Variants in FNBP1 observed in about 807,000 individuals in gnomAD.
FNBP1 encodes the protein formin binding protein 1.
FNBP1 carries 26 observed loss-of-function variants against 90.6 expected under a neutral mutation model. The ratio of observed to expected loss-of-function variants is 0.29; its 90% CI spans 0.21 to 0.40. FNBP1 has a LOEUF of 0.40. Ranked by LOEUF, FNBP1 falls within the 10% of genes least tolerant of loss-of-function variation. FNBP1 has a pLI of 1.00. For missense variants in FNBP1, 635 were observed against 768.0 expected (o/e 0.83, Z 2.05); for synonymous variants, 260 against 265.2 (o/e 0.98, Z 0.19).
At chr9:129,980,292 G>A (rs2130927689) in intron 2 of FNBP1, among the ~76,000 whole-genome samples, 1 of 151,316 alleles carries the variant, frequency 6.6e-6, no homozygotes, top group African/African-American at 2.4e-5. Flanking sequence ...CCCGGGAGGA[G>A]GAGGTTTCGG....
chr9:129,994,176 C>T (rs1051463236), intron 2 of FNBP1, among the ~76,000 whole-genome samples: 2 of 152,198 alleles, frequency 1.3e-5, no homozygotes, highest in Non-Finnish European at 2.9e-5. Flanking sequence ...AACCAATCAC[C>T]TAGTCAGAAC....
At chr9:129,954,989 C>T (rs114787973) in intron 6 of FNBP1, among the ~76,000 whole-genome samples, 3,159 of 148,310 alleles carry the variant, frequency 0.021, 112 homozygotes, top group African/African-American at 0.074. Context: ...AGTGAAACTT[C>T]GTCCCAAAAA....
intron 1 of FNBP1, among the ~76,000 whole-genome samples, chr9:130,035,765 G>A (rs1390682460): frequency 6.6e-6 from 1 of 152,152 alleles, no homozygotes; most frequent in Non-Finnish European, 1.5e-5. Context: ...TGGCCAACAT[G>A]GTGAAATCCC....
At chr9:129,989,151 A>G (rs2052730306) in intron 2 of FNBP1, among the ~76,000 whole-genome samples, 1 of 152,206 alleles carries the variant, frequency 6.6e-6, no homozygotes, top group African/African-American at 2.4e-5. Context: ...AGCCTAGCTC[A>G]GTAACCACCC....
intron 4 of FNBP1, among the ~76,000 whole-genome samples, chr9:129,960,668 G>C (rs2047676465): frequency 6.6e-6 from 1 of 151,922 alleles, no homozygotes; most frequent in Non-Finnish European, 1.5e-5. Context: ...AGGCTTTTTT[G>C]CCTGAATGAA....
chr9:129,994,088 A>G lies in FNBP1; in HGVS notation c.140+755T>C, dbSNP rs543361462. On this transcript the variant is annotated intron_variant, in intron 2 of 16. Transcript: ENST00000446176. ...TAGATGCCTACGTAGATCCTAGGAA[A>G]TGTGTTCAGATACACACAAAAAGCC... Among the ~76,000 whole-genome samples the G allele has an allele frequency of 2.0e-5, 3 of 152,292 alleles. No individual in the cohort carries two copies. The South Asian group carries it at 6.2e-4, about 32-fold the overall frequency.
chr9:130,046,592 A>C (rs1354418356), upstream of FNBP1, among the ~76,000 whole-genome samples: 9 of 147,736 alleles, frequency 6.1e-5, no homozygotes, highest in African/African-American at 2.1e-4. Context: ...AAAAAAAAAA[A>C]AAAAAAAAAA....
chr9:129,923,859 C>G lies in FNBP1; in HGVS notation c.1155G>C (p.Arg385Ser), dbSNP rs1236048050. Residue 385 changes from arginine (R) to serine (S), a missense_variant, in exon 10 of 17, where the codon AGG (arginine) becomes AGC (serine). Arg to Ser is a moderately radical substitution (Grantham distance 110). Transcript: ENST00000446176. ...CAGAACTTACCCCACGCTTTAGGCT[C>G]CTGAAGCAGTGGATTTTGGGTTTGG... ...MTSKPKIHCF[R>S]SLKRGLSLKL... 1 of 1,598,464 alleles carries G rather than the reference C, an allele frequency of 6.3e-7. No individual in the cohort carries two copies. The highest frequency in any genetic ancestry group is 8.5e-7 in the Non-Finnish European group (1 of 1,173,502).
In FNBP1 at chr9:129,889,209, A is replaced by C. The variant is rs560605018; in HGVS notation, c.*1330T>G. 1 of 204,706 alleles carries C rather than the reference A, an allele frequency of 4.9e-6. No individual in the cohort carries two copies. The highest frequency in any genetic ancestry group is 7.4e-5 in the East Asian group (1 of 13,584). 12.7% of individuals were successfully genotyped at this position (204,706 alleles called of 1,614,324 possible). A position where few individuals can be genotyped will look rare whatever the true frequency, so the allele number is the denominator to read the frequency against. On this transcript the variant is annotated 3_prime_UTR_variant, in exon 17 of 17. Transcript: ENST00000446176. ...ACATGCCCTGAAGAGCACGTGATAAAATACAAGGGTGGTGGCGGCGGGATC... is the reference window on the plus strand; with the variant it reads ...ACATGCCCTGAAGAGCACGTGATAACATACAAGGGTGGTGGCGGCGGGATC...
chr9:129,910,283 C>A (rs562621469), intron 11 of FNBP1: 2 of 431,590 alleles, frequency 4.6e-6, no homozygotes, highest in African/African-American at 4.1e-5. Context: ...GAGTTTGAGA[C>A]CAGCCTGGCC....
rs558013776 is a variant in FNBP1 at position 129,899,731 on chromosome 9, A to G, written c.1687+234T>C. ...GCAAGAGAGCGAGACCCTGTATGAA[A>G]AAAAGGAAGGAAGGAAGGAAGGGAA... On this transcript the variant is annotated intron_variant, in intron 15 of 16. Transcript: ENST00000446176. 9.4e-4 allele frequency among the ~76,000 whole-genome samples: 140 copies of G among 149,320 alleles called. 1 individual carries two copies. Among genetic ancestry groups the G allele is most frequent in the Non-Finnish European group, 1.6e-3 (106 of 67,266 alleles).
chr9:129,947,157 C>T (rs1198216649), intron 6 of FNBP1, among the ~76,000 whole-genome samples: 1 of 152,012 alleles, frequency 6.6e-6, no homozygotes, highest in Non-Finnish European at 1.5e-5. Context: ...AGAAAGAAAA[C>T]AGGCTGGGCA....
At chr9:129,960,400 A>G (rs1156713367) in intron 4 of FNBP1, among the ~76,000 whole-genome samples, 5 of 129,500 alleles carry the variant, frequency 3.9e-5, no homozygotes, top group African/African-American at 1.1e-4. Context: ...AAAAAAAAAA[A>G]AAAGAAAAAG....
rs1564269015 is a variant in FNBP1, at chr9:129,900,999, A to G, written c.1429-452T>C. On this transcript the variant is annotated intron_variant, in intron 13 of 16. Transcript: ENST00000446176. This position sits in a 1 kb window ranked among gnomAD's most constrained non-coding sequence, Gnocchi z 4.1. ...ACTCAGTTTGAAAGCCACACTTCCT[A>G]TTTTTTAGGAGTGTAACTTTTTTTT... 1.3e-5 allele frequency among the ~76,000 whole-genome samples: 2 copies of G among 152,224 alleles called. No homozygotes were observed. Among genetic ancestry groups the G allele is most frequent in the East Asian group, 3.9e-4 (2 of 5,182 alleles).
At chr9:129,982,498 A>G (rs2051422524) in intron 2 of FNBP1, among the ~76,000 whole-genome samples, 1 of 152,070 alleles carries the variant, frequency 6.6e-6, no homozygotes, top group African/African-American at 2.4e-5. Flanking sequence ...AGAAAGAAAA[A>G]AAGAAAGGGA....
chr9:130,043,901 C>G (rs1291531354), upstream of FNBP1, among the ~76,000 whole-genome samples: 5 of 152,222 alleles, frequency 3.3e-5, no homozygotes, highest in Admixed American at 6.5e-5. Context: ...TCCAGCCTCC[C>G]GCACGTGCTG....
At chr9:129,893,830 C>T (rs1486862215) in intron 16 of FNBP1, among the ~76,000 whole-genome samples, 1 of 148,118 alleles carries the variant, frequency 6.8e-6, no homozygotes, top group African/African-American at 2.5e-5. Flanking sequence ...GCAGGAGAAT[C>T]GCTTGAACTC....
chr9:129,904,146 C>T (rs1430411427), intron 12 of FNBP1, among the ~76,000 whole-genome samples: 1 of 152,214 alleles, frequency 6.6e-6, no homozygotes, highest in Non-Finnish European at 1.5e-5. Context: ...TGCATGTGCT[C>T]ACCTGACGAA....
At chr9:129,953,698 G>C (rs1281040795) in intron 6 of FNBP1, among the ~76,000 whole-genome samples, 1 of 151,908 alleles carries the variant, frequency 6.6e-6, no homozygotes, top group Non-Finnish European at 1.5e-5. Flanking sequence ...TACTTAAGTG[G>C]GAAGTCTGTA....
Sources: gnomAD v4.1 joint callset for allele counts (sites outside exome capture counted in the v4.1 genomes callset) on GRCh38, gnomAD v4.1.1 for gene constraint, Gnocchi (gnomAD v3.1) non-coding constraint, MANE v1.5 for transcripts, NCBI Gene and HGNC (gene_info 2026-07-23, HGNC 2026-07-21) for gene names.